The following XRCC5 variants were observed in gnomAD, a reference collection of about 807,000 sequenced individuals.
The protein encoded by XRCC5 is DNA repair protein Ku80.
In XRCC5, 12 loss-of-function variants were observed where a neutral mutation model predicts 95.7. That is an observed-to-expected ratio of 0.13 (90% CI 0.08 to 0.20). The LOEUF (loss-of-function observed/expected upper bound fraction) is 0.20. XRCC5 is among the 10% of genes least tolerant of loss of function. XRCC5 has a pLI of 1.00. For missense variants in XRCC5, 595 were observed against 873.9 expected, an observed-to-expected ratio of 0.68 and a Z score of 4.02; for synonymous variants, 281 against 290.3, an observed-to-expected ratio of 0.97 and a Z score of 0.33.
chr2:216,160,879 C>G (rs981834473), intron 15 of XRCC5, among the ~76,000 whole-genome samples: 2 of 151,880 alleles, frequency 1.3e-5, no homozygotes, highest in Non-Finnish European at 2.9e-5. Context: ...GCCACCATAC[C>G]CGGCTATTTT....
At chr2:216,118,784 TC>T (rs1408975318) in intron 4 of XRCC5, among the ~76,000 whole-genome samples, 1 of 152,206 alleles carries the variant, frequency 6.6e-6, no homozygotes, top group African/African-American at 2.4e-5. Context: ...GGATATTTTT[TC>T]ATCACATTTG....
chr2:216,186,783 T>C, intron 16 of XRCC5, among the ~76,000 whole-genome samples: 1 of 152,244 alleles, frequency 6.6e-6, no homozygotes, highest in East Asian at 1.9e-4. Context: ...CTCAGCCCTG[T>C]AATTAATGTA....
chr2:216,168,701 A>G (rs1367478269), intron 16 of XRCC5, among the ~76,000 whole-genome samples: 1 of 152,250 alleles, frequency 6.6e-6, no homozygotes, highest in Non-Finnish European at 1.5e-5. Flanking sequence ...GTTAACTGAA[A>G]AAAATCACAA....
intron 13 of XRCC5, among the ~76,000 whole-genome samples, chr2:216,145,756 G>T (rs1408872386): frequency 6.6e-6 from 1 of 152,180 alleles, no homozygotes. Context: ...AAGATTGCCT[G>T]GGGTTTATGC....
At chr2:216,165,227 C>T (rs1041467634) in intron 16 of XRCC5, among the ~76,000 whole-genome samples, 4 of 152,136 alleles carry the variant, frequency 2.6e-5, no homozygotes, top group Non-Finnish European at 5.9e-5. Flanking sequence ...ATTTTAAGGT[C>T]GTGTATCTGA....
At chr2:216,136,492 G>T (rs568259739) in intron 10 of XRCC5, among the ~76,000 whole-genome samples, 1 of 152,224 alleles carries the variant, frequency 6.6e-6, no homozygotes, top group South Asian at 2.1e-4. Flanking sequence ...TTACAAATTG[G>T]TGGAGAAAAG....
At chr2:216,183,451 T>A (rs1335843123) in intron 16 of XRCC5, among the ~76,000 whole-genome samples, 2 of 152,228 alleles carry the variant, frequency 1.3e-5, no homozygotes, top group Non-Finnish European at 2.9e-5. Context: ...GGGCTCTGAC[T>A]GAACTTGTGG....
intron 16 of XRCC5, among the ~76,000 whole-genome samples, chr2:216,166,694 A>G (rs1263638753): frequency 2.5e-4 from 38 of 151,260 alleles, no homozygotes; most frequent in Admixed American, 2.5e-3. Flanking sequence ...GAAGAATGCT[A>G]AAATAAAATA....
At chr2:216,160,720 G>T (rs1292135738) in intron 15 of XRCC5, among the ~76,000 whole-genome samples, 1 of 151,930 alleles carries the variant, frequency 6.6e-6, no homozygotes. Flanking sequence ...CCAGGAGGAA[G>T]AATATTTTAT....
chr2:216,169,349 C>T (rs1689111761), intron 16 of XRCC5, among the ~76,000 whole-genome samples: 1 of 152,198 alleles, frequency 6.6e-6, no homozygotes, highest in Non-Finnish European at 1.5e-5. Context: ...CAGGACACAG[C>T]ATGCAAATGT....
chr2:216,160,766 C>T (rs1425149499), intron 15 of XRCC5, among the ~76,000 whole-genome samples: 1 of 151,938 alleles, frequency 6.6e-6, no homozygotes, highest in African/African-American at 2.4e-5. Context: ...GTCACCCACG[C>T]CGGAGTACAG....
intron 12 of XRCC5, 141 bp from the exon 13 acceptor site, chr2:216,141,045 C>A: frequency 2.3e-6 from 2 of 882,440 alleles, no homozygotes; most frequent in Non-Finnish European, 3.3e-6. Flanking sequence ...GGGTTAAATA[C>A]GTGCATAGCT....
chr2:216,131,331 T>C, intron 9 of XRCC5: 4 of 928,700 alleles, frequency 4.3e-6, no homozygotes, highest in Non-Finnish European at 5.1e-6. Flanking sequence ...GTGCTCATAA[T>C]GTCTCAACTC....
At chr2:216,202,802 C>A (rs1398580200) in intron 19 of XRCC5, among the ~76,000 whole-genome samples, 1 of 152,174 alleles carries the variant, frequency 6.6e-6, no homozygotes, top group African/African-American at 2.4e-5. Flanking sequence ...ACAATTATGT[C>A]CATGGTGCTG....
chr2:216,115,952 G>C (rs1418332111), intron 2 of XRCC5, among the ~76,000 whole-genome samples: 1 of 151,520 alleles, frequency 6.6e-6, no homozygotes, highest in East Asian at 1.9e-4. Context: ...TAAATACTTA[G>C]TATTGTATAA....
At chr2:216,157,270 G>C (rs1004049520) in intron 14 of XRCC5, among the ~76,000 whole-genome samples, 3 of 149,278 alleles carry the variant, frequency 2.0e-5, no homozygotes, top group Non-Finnish European at 4.4e-5. Context: ...GTGTCACTCT[G>C]TCACCCAGGC....
At chr2:216,148,918 A>G (rs1246821108) in intron 14 of XRCC5, among the ~76,000 whole-genome samples, 1 of 143,074 alleles carries the variant, frequency 7.0e-6, no homozygotes, top group Non-Finnish European at 1.5e-5. Context: ...AAAATAAAAC[A>G]AGAAGAAATT....
At chr2:216,122,706 A>G (rs1462084880) in intron 6 of XRCC5, among the ~76,000 whole-genome samples, 2 of 151,560 alleles carry the variant, frequency 1.3e-5, no homozygotes, top group Non-Finnish European at 2.9e-5. Flanking sequence ...ACTATGGTAT[A>G]GTGATTTTTT....
chr2:216,187,821 A>ACACACACACACACACACC (rs1312215177), intron 16 of XRCC5, among the ~76,000 whole-genome samples: 3 of 47,950 alleles, frequency 6.3e-5, no homozygotes, highest in African/African-American at 2.0e-4. Context: ...ACACACACAC[A>ACACACACACACACACACC]CTCTCTCTCT....
Sources: gnomAD v4.1 joint callset for allele counts (sites outside exome capture counted in the v4.1 genomes callset) on GRCh38, gnomAD v4.1.1 for gene constraint, MANE v1.5 for transcripts, NCBI Gene and HGNC (gene_info 2026-07-23, HGNC 2026-07-21) for gene names.